The following TMC5 variants were observed in gnomAD, a reference collection of about 807,000 sequenced individuals.
TMC5 encodes the protein transmembrane channel-like protein 5.
TMC5 carries 86 observed loss-of-function variants against 110.5 expected under a neutral mutation model. The ratio of observed to expected loss-of-function variants is 0.78; its 90% CI spans 0.65 to 0.93. The LOEUF is 0.93. Among genes scored for constraint, TMC5 ranks in the 40% least tolerant of loss-of-function variants. The pLI, the probability that TMC5 is intolerant of heterozygous loss-of-function variation, is 0.00. For missense variants in TMC5, 1,144 were observed against 1,222.8 expected, an observed-to-expected ratio of 0.94 and a Z score of 0.96; for synonymous variants, 455 against 439.5, an observed-to-expected ratio of 1.04 and a Z score of -0.44.
intron 4 of TMC5, 101 bp from the exon 5 acceptor site, chr16:19,449,441 T>C (rs1278896396): frequency 1.0e-6 from 1 of 961,288 alleles, no homozygotes; most frequent in Non-Finnish European, 1.7e-6. Flanking sequence ...TCAGTCTTAT[T>C]AGCCGTTACG....
upstream of TMC5, among the ~76,000 whole-genome samples, chr16:19,413,835 T>C (rs1966864291): frequency 6.6e-6 from 1 of 152,190 alleles, no homozygotes; most frequent in African/African-American, 2.4e-5. Flanking sequence ...TCTGCCACTT[T>C]CTTGCTGTGT....
At chr16:19,482,639 T>G (rs1211137361) in intron 15 of TMC5, among the ~76,000 whole-genome samples, 1 of 152,154 alleles carries the variant, frequency 6.6e-6, no homozygotes, top group Non-Finnish European at 1.5e-5. Context: ...CATCCATGTC[T>G]CCACAGCAAT....
At chr16:19,475,263 A>T (rs1017071786) in intron 12 of TMC5, among the ~76,000 whole-genome samples, 1 of 152,088 alleles carries the variant, frequency 6.6e-6, no homozygotes, top group African/African-American at 2.4e-5. Context: ...CTTTACTAAA[A>T]ATACAAAAAT....
intron 1 of TMC5, among the ~76,000 whole-genome samples, chr16:19,423,485 A>T (rs1410081763): frequency 6.6e-6 from 1 of 152,054 alleles, no homozygotes; most frequent in Non-Finnish European, 1.5e-5. Context: ...GCACCTCAAC[A>T]TTTTCCCCTA....
intron 4 of TMC5, among the ~76,000 whole-genome samples, chr16:19,444,457 A>T: frequency 6.6e-6 from 1 of 152,234 alleles, no homozygotes; most frequent in South Asian, 2.1e-4. Flanking sequence ...AATGCTAGGT[A>T]AGAGTTGTGG....
Position 19,494,418 on chromosome 16 carries a change from G to A in TMC5, c.2931+52G>A. 4.6e-6 allele frequency: 6 copies of A among 1,311,940 alleles called. No homozygotes were observed. In the South Asian group the frequency reaches 7.3e-5, roughly 16 times the overall value. 81.3% of individuals were successfully genotyped at this position (1,311,940 alleles called of 1,614,324 possible). On this transcript the variant is annotated intron_variant, in intron 20 of 21. Transcript: ENST00000542583. ...CCCTGGGACACGAGCTTGCCTCCAT[G>A]TAAAAAGCGCGTCAGAGAACTACAG...
intron 4 of TMC5, among the ~76,000 whole-genome samples, chr16:19,448,852 T>C (rs1045887515): frequency 6.9e-6 from 1 of 145,528 alleles, no homozygotes; most frequent in Admixed American, 6.9e-5. Flanking sequence ...GTAGTTTATA[T>C]GTATTTTTTT....
intron 2 of TMC5, among the ~76,000 whole-genome samples, chr16:19,433,505 TGA>T (rs1967237415): frequency 6.6e-6 from 1 of 152,212 alleles, no homozygotes; most frequent in Non-Finnish European, 1.5e-5. Flanking sequence ...TTAGAGCTTC[TGA>T]GTGCTTTGTT....
At chr16:19,418,309 G>A (rs183417541) in intron 1 of TMC5, among the ~76,000 whole-genome samples, 1 of 152,144 alleles carries the variant, frequency 6.6e-6, no homozygotes, top group South Asian at 2.1e-4. Context: ...CAAGCCCTAG[G>A]GTTATCTGCT....
At chr16:19,491,081 G>A (rs1968893857) in intron 18 of TMC5, among the ~76,000 whole-genome samples, 1 of 151,582 alleles carries the variant, frequency 6.6e-6, no homozygotes, top group Admixed American at 6.6e-5. Context: ...CATGGTCATG[G>A]CTTGCTGCAA....
upstream of TMC5, among the ~76,000 whole-genome samples, chr16:19,414,297 T>A (rs527324830): frequency 2.6e-5 from 4 of 152,328 alleles, 1 homozygote; most frequent in South Asian, 8.3e-4. Context: ...TGGAAATAGA[T>A]CTTTTTCTTT....
intron 5 of TMC5, among the ~76,000 whole-genome samples, chr16:19,457,734 T>TTTTTTTTTTG (rs1967922147): frequency 8.4e-6 from 1 of 119,510 alleles, no homozygotes; most frequent in Non-Finnish European, 1.7e-5. Context: ...TTTTTTTTTT[T>TTTTTTTTTTG]TTTTTTTTTG....
At chr16:19,439,468 T>A (rs1469959948) in intron 2 of TMC5, among the ~76,000 whole-genome samples, 1 of 152,192 alleles carries the variant, frequency 6.6e-6, no homozygotes, top group Non-Finnish European at 1.5e-5. Context: ...TTGTTCAAGA[T>A]GAAAGCTTAG....
intron 2 of TMC5, among the ~76,000 whole-genome samples, chr16:19,434,081 A>ATATATATATATCTATAATATATATAT (rs1567300257): frequency 2.3e-3 from 9 of 3,898 alleles, no homozygotes; most frequent in Non-Finnish European, 3.2e-3. Flanking sequence ...ATTATATATA[A>ATATATATATATCTATAATATATATAT]TATATATATA....
chr16:19,471,609 T>A (rs974278611), intron 10 of TMC5, among the ~76,000 whole-genome samples: 1 of 152,180 alleles, frequency 6.6e-6, no homozygotes, highest in Non-Finnish European at 1.5e-5. Flanking sequence ...ATAATCCATG[T>A]TCATCATGAA....
At chr16:19,465,050 TC>T in intron 8 of TMC5, among the ~76,000 whole-genome samples, 1 of 103,464 alleles carries the variant, frequency 9.7e-6, no homozygotes, top group African/African-American at 5.2e-5. Flanking sequence ...TTTCTTTCTT[TC>T]TTTCTTTTCC....
intron 2 of TMC5, among the ~76,000 whole-genome samples, chr16:19,435,370 C>T (rs1051038450): frequency 4.0e-5 from 6 of 150,622 alleles, no homozygotes; most frequent in Non-Finnish European, 5.9e-5. Flanking sequence ...GGCATGGTGG[C>T]GGGCACCTGT....
At chr16:19,438,843 G>C (rs1200484919) in intron 2 of TMC5, among the ~76,000 whole-genome samples, 1 of 152,164 alleles carries the variant, frequency 6.6e-6, no homozygotes, top group Non-Finnish European at 1.5e-5. Flanking sequence ...GAGGTAACAG[G>C]GTTTAATCAA....
chr16:19,468,543 GGGAC>G (rs1416227340), intron 9 of TMC5, among the ~76,000 whole-genome samples: 21 of 151,972 alleles, frequency 1.4e-4, no homozygotes, highest in Non-Finnish European at 5.9e-5. Context: ...CATAACAAAA[GGGAC>G]TTTGCAGATG....
Sources: allele counts gnomAD v4.1 joint callset (sites outside exome capture counted in the v4.1 genomes callset), GRCh38; gene constraint gnomAD v4.1.1; transcripts MANE v1.5; gene names NCBI Gene and HGNC (gene_info 2026-07-23, HGNC 2026-07-21).